Variants in MYT1L observed in about 807,000 individuals in gnomAD.
The protein encoded by MYT1L is myelin transcription factor 1 like.
MYT1L carries 12 observed loss-of-function variants against 126.7 expected under a neutral mutation model. The observed-to-expected ratio is 0.09, with a 90% CI of 0.06 to 0.15. The LOEUF is 0.15. Among genes scored for constraint, MYT1L ranks in the 10% least tolerant of loss-of-function variants. MYT1L has a pLI of 1.00. For synonymous variants in MYT1L, 541 were observed against 604.2 expected (o/e 0.90, Z 1.53); for missense variants, 979 against 1,585.2 (o/e 0.62, Z 6.49).
intron 2 of MYT1L, among the ~76,000 whole-genome samples, chr2:2,225,662 C>T (rs1572628332): frequency 6.6e-6 from 1 of 152,174 alleles, no homozygotes; most frequent in African/African-American, 2.4e-5. Context: ...CTGCTTGCCT[C>T]CTCCTGCTCC....
intron 13 of MYT1L, 121 bp from the exon 14 acceptor site, chr2:1,903,415 A>G: frequency 1.3e-6 from 1 of 753,186 alleles, no homozygotes; most frequent in Non-Finnish European, 2.1e-6. Flanking sequence ...AGAACCTTGC[A>G]CTAAAACTAC....
chr2:2,248,465 C>T (rs1247198080), intron 2 of MYT1L, among the ~76,000 whole-genome samples: 1 of 152,088 alleles, frequency 6.6e-6, no homozygotes, highest in Non-Finnish European at 1.5e-5. Context: ...AGAACCAAAA[C>T]CAATCCTACT....
chr2:1,983,304 A>G (rs1574217007), intron 5 of MYT1L, among the ~76,000 whole-genome samples: 1 of 152,194 alleles, frequency 6.6e-6, no homozygotes, highest in Non-Finnish European at 1.5e-5. Context: ...CAAGCACAGC[A>G]CCCCACATGG....
intron 8 of MYT1L, among the ~76,000 whole-genome samples, chr2:1,978,108 G>A (rs1289923290): frequency 6.6e-6 from 1 of 152,156 alleles, no homozygotes; most frequent in Non-Finnish European, 1.5e-5. Context: ...GGGGATTTGG[G>A]AGTAATTTGT....
chr2:2,274,716 G>T (rs779995659), intron 2 of MYT1L, among the ~76,000 whole-genome samples: 9 of 152,158 alleles, frequency 5.9e-5, no homozygotes, highest in Non-Finnish European at 1.2e-4. Context: ...ACATCACTTT[G>T]CACAGGAATC....
At chr2:2,006,238 C>T (rs1048068936) in intron 4 of MYT1L, among the ~76,000 whole-genome samples, 1 of 152,118 alleles carries the variant, frequency 6.6e-6, no homozygotes, top group East Asian at 1.9e-4. Context: ...CTAGTTTCTC[C>T]ATTTCATTAA....
chr2:1,796,427 A>C (rs2033517841), intron 23 of MYT1L, among the ~76,000 whole-genome samples: 2 of 152,190 alleles, frequency 1.3e-5, no homozygotes. Context: ...GCTGGATCAC[A>C]GAGAGGCTTA....
At chr2:2,086,765 T>G (rs187118815) in intron 3 of MYT1L, among the ~76,000 whole-genome samples, 1 of 152,172 alleles carries the variant, frequency 6.6e-6, no homozygotes, top group East Asian at 1.9e-4. Flanking sequence ...TTCTTGGAAC[T>G]TCCCCTTAGG....
rs533033795 is a variant in MYT1L at position 1,817,975 on chromosome 2, G to A, written c.3081-8808C>T. Among the ~76,000 whole-genome samples, 18 of 152,298 alleles carry A rather than the reference G, an allele frequency of 1.2e-4. No homozygotes were observed. In the East Asian group the frequency reaches 1.7e-3, roughly 15 times the overall value. Reference sequence around the variant, plus strand: ...AAGTAGTTAGGCGGCTGCTCCACCCGCTTGCCCCAGGCCCCAGACGTCTGG... The same window carrying A: ...AAGTAGTTAGGCGGCTGCTCCACCCACTTGCCCCAGGCCCCAGACGTCTGG... On this transcript the variant is annotated intron_variant, in intron 21 of 24. Transcript: ENST00000647738.
intron 21 of MYT1L, chr2:1,828,039 T>C (rs1207217648): frequency 2.0e-5 from 3 of 152,200 alleles, no homozygotes; most frequent in African/African-American, 7.2e-5. Flanking sequence ...AGCCCCAGCG[T>C]CTCTCCCTAC....
chr2:2,166,155 CTTAAT>C (rs1466945314), intron 3 of MYT1L, among the ~76,000 whole-genome samples: 3 of 152,162 alleles, frequency 2.0e-5, no homozygotes, highest in East Asian at 3.8e-4. Flanking sequence ...TATTTCCTTT[CTTAAT>C]TATCTAGCCT....
chr2:2,171,197 G>A (rs1021475827), intron 3 of MYT1L, among the ~76,000 whole-genome samples: 3 of 152,240 alleles, frequency 2.0e-5, no homozygotes, highest in African/African-American at 7.2e-5. Context: ...CTCCCACCCT[G>A]AAAATGGACA....
At chr2:1,883,624 T>G (rs144123590) in intron 18 of MYT1L, among the ~76,000 whole-genome samples, 30 of 152,302 alleles carry the variant, frequency 2.0e-4, no homozygotes, top group Non-Finnish European at 3.7e-4. Context: ...CAGGCAGGGC[T>G]CACGGTGACC....
At chr2:2,257,251 AACAC>A (rs1051276233) in intron 2 of MYT1L, among the ~76,000 whole-genome samples, 2 of 152,146 alleles carry the variant, frequency 1.3e-5, no homozygotes, top group African/African-American at 4.8e-5. Context: ...ATTCAGGTGA[AACAC>A]ACAGCCCCTG....
At position 2,196,852 on chromosome 2, in the gene MYT1L, T is replaced by TTGCATTCAA. The variant is rs1430706222; in HGVS notation, c.-420-23865_-420-23864insTTGAATGCA. Among the ~76,000 whole-genome samples the TTGCATTCAA allele has an allele frequency of 1.5e-4, 23 of 152,052 alleles. No individual in the cohort carries two copies. The South Asian group carries it at 4.6e-3, about 30-fold the overall frequency. On this transcript the variant is annotated intron_variant, in intron 2 of 24. Transcript: ENST00000647738. ...ATAGTAAACTGGAGAATGCAACCCA[T>TTGCATTCAA]TAATAATTACATTGAGATGTGAAAG... is the stretch of plus-strand genomic sequence containing the variant.
intron 9 of MYT1L, among the ~76,000 whole-genome samples, chr2:1,931,170 C>T (rs1229827175): frequency 2.0e-5 from 3 of 152,210 alleles, no homozygotes; most frequent in African/African-American, 7.2e-5. Context: ...TGGGGGAAAT[C>T]TCCCCTCCCA....
rs1275057156 is a variant in MYT1L, at chr2:2,215,330, T to A, written c.-420-42342A>T. Among the ~76,000 whole-genome samples, 3 of 152,040 alleles carry A rather than the reference T, an allele frequency of 2.0e-5. No homozygotes were observed. The East Asian group carries it at 5.8e-4, about 29-fold the overall frequency. ...ACACATATTTAAAGACAAAAGTAGG[T>A]TAAACATAAAAAGATGAAAAAAGAT... On this transcript the variant is annotated intron_variant, in intron 2 of 24. Coordinates refer to ENST00000647738, the MANE Select transcript of MYT1L (RefSeq NM_001303052.2).
At chr2:2,071,498 C>T (rs983124318) in intron 3 of MYT1L, among the ~76,000 whole-genome samples, 3 of 152,082 alleles carry the variant, frequency 2.0e-5, no homozygotes, top group African/African-American at 7.2e-5. Flanking sequence ...AATGTCCTTA[C>T]AATACAGAAA....
At chr2:1,935,518 T>G (rs1282480697) in intron 9 of MYT1L, among the ~76,000 whole-genome samples, 2 of 152,224 alleles carry the variant, frequency 1.3e-5, no homozygotes, top group African/African-American at 4.8e-5. Context: ...ATCACAATTG[T>G]GATGTTATGG....
Sources: gnomAD v4.1 joint callset for allele counts (sites outside exome capture counted in the v4.1 genomes callset) on GRCh38, gnomAD v4.1.1 for gene constraint, MANE v1.5 for transcripts, NCBI Gene and HGNC (gene_info 2026-07-23, HGNC 2026-07-21) for gene names.